The following SUPT16H variants were observed in gnomAD, a reference collection of about 807,000 sequenced individuals.
SUPT16H encodes SPT16 homolog, facilitates chromatin remodeling subunit.
In SUPT16H, 24 loss-of-function variants were observed where a neutral mutation model predicts 136.2. The observed-to-expected ratio is 0.18, with a 90% CI of 0.13 to 0.25. The LOEUF (loss-of-function observed/expected upper bound fraction) is 0.25. Among genes scored for constraint, SUPT16H ranks in the 10% least tolerant of loss-of-function variants. The pLI is 1.00. For synonymous variants in SUPT16H, 415 were observed against 428.2 expected (o/e 0.97, Z 0.38); for missense variants, 623 against 1,270.2 (o/e 0.49, Z 7.74).
Position 21,363,521 on chromosome 14 carries a change from A to G in SUPT16H, c.1234-18T>C. 6.2e-7 allele frequency: 1 copy of G among 1,606,246 alleles called. No homozygotes were observed. Among genetic ancestry groups the G allele is most frequent in the Non-Finnish European group, 8.5e-7 (1 of 1,176,932 alleles). ...GGGCCATCCTAGAATTAAAAGGAGA[A>G]TGAAGACACATTATTTAAAAGAGGC... On this transcript the variant is annotated intron_variant, in intron 10 of 25. Transcript: ENST00000216297.
At chr14:21,357,889 A>C (rs1255865917) in intron 21 of SUPT16H, 38 bp downstream of exon 21, 3 of 1,582,984 alleles carry the variant, frequency 1.9e-6, no homozygotes, top group Non-Finnish European at 1.7e-6. Context: ...TATTTTCTCT[A>C]ACAATTTTCT....
Position 21,364,817 on chromosome 14 carries a change from C to A in SUPT16H, c.1233+10G>T, listed in dbSNP as rs1476853270. On this transcript the variant is annotated intron_variant, in intron 10 of 25. Transcript: ENST00000216297. ...TCATGAAGACTCCAAAGTTTAGACA[C>A]AATACACACCTCATCCACAAGCACT... is the stretch of plus-strand genomic sequence containing the variant. 1.2e-6 allele frequency: 2 copies of A among 1,610,606 alleles called. No homozygotes were observed. The highest frequency in any genetic ancestry group is 3.3e-5 in the Admixed American group (2 of 60,002).
chr14:21,373,565 G>T (rs1362142770), intron 1 of SUPT16H, 135 bp from the exon 2 acceptor site: 4 of 681,952 alleles, frequency 5.9e-6, no homozygotes, highest in Non-Finnish European at 1.0e-5. Flanking sequence ...CTGTTTGGCA[G>T]TCTTACGGCT....
chr14:21,376,087 T>G (rs899900038), intron 1 of SUPT16H, among the ~76,000 whole-genome samples: 1 of 152,252 alleles, frequency 6.6e-6, no homozygotes, highest in African/African-American at 2.4e-5. Flanking sequence ...ACATTGAATA[T>G]CTAGTTATTA....
At chr14:21,369,021 A>C (rs1886731982) in intron 6 of SUPT16H, among the ~76,000 whole-genome samples, 183 bp downstream of exon 6, 1 of 152,208 alleles carries the variant, frequency 6.6e-6, no homozygotes, top group South Asian at 2.1e-4. Flanking sequence ...GAGTAGGGTG[A>C]CTATACTTAA....
chr14:21,370,062 A>G (rs746002975), intron 4 of SUPT16H, among the ~76,000 whole-genome samples, 166 bp from the exon 5 acceptor site: 1 of 152,266 alleles, frequency 6.6e-6, no homozygotes, highest in Non-Finnish European at 1.5e-5. Context: ...AACATTTGAA[A>G]TAGCTCTTTG....
At chr14:21,383,622 T>C (rs747776172) in intron 1 of SUPT16H, 2 of 704,960 alleles carry the variant, frequency 2.8e-6, no homozygotes, top group Non-Finnish European at 5.2e-6. Context: ...CTGCTATGCA[T>C]GACCAAGGCT....
chr14:21,357,334 C>T lies in SUPT16H; in HGVS notation c.2523G>A (p.Glu841=), dbSNP rs1298354220. ...ACTGGACCCGCTCAAAGTGGATCAG[C>T]TCTACCTCATCCAATGTCACCACAA... ...PPFVVTLDEV[E]LIHFERVQFH... The change falls in exon 22 of 26, where the codon GAG becomes GAA. Residue 841 remains glutamate (E), a synonymous_variant. Coordinates refer to ENST00000216297, the MANE Select transcript of SUPT16H (RefSeq NM_007192.4). 9 of 1,605,080 alleles carry T rather than the reference C, an allele frequency of 5.6e-6. No individual in the cohort carries two copies. Among genetic ancestry groups the T allele is most frequent in the Non-Finnish European group, 7.7e-6 (9 of 1,175,858 alleles).
At position 21,373,329 on chromosome 14, in the gene SUPT16H, ATC is replaced by A; in HGVS notation, c.159+7_159+8del. 1 of 1,605,990 alleles carries A rather than the reference ATC, an allele frequency of 6.2e-7. No individual in the cohort carries two copies. Among genetic ancestry groups the A allele is most frequent in the East Asian group, 2.2e-5 (1 of 44,828 alleles). On this transcript the variant is annotated splice_region_variant and intron_variant, in intron 2 of 25. Transcript: ENST00000216297. ...CTCTAAGAGCTAAAAATTGCTGTAA[ATC>A]TCTCACCTGTAAGGCAGTTGATTTG...
chr14:21,374,711 C>T (rs1406912718), intron 1 of SUPT16H, among the ~76,000 whole-genome samples: 1 of 152,074 alleles, frequency 6.6e-6, no homozygotes, highest in African/African-American at 2.4e-5. Flanking sequence ...CACATTTTAT[C>T]TATCCATTCA....
intron 1 of SUPT16H, among the ~76,000 whole-genome samples, chr14:21,381,120 T>C (rs1003143064): frequency 2.0e-5 from 3 of 152,068 alleles, no homozygotes; most frequent in Non-Finnish European, 2.9e-5. Flanking sequence ...CATAAAACAA[T>C]AGTACGTTCT....
In SUPT16H at chr14:21,353,661, T is replaced by C. The variant is rs1594295555; in HGVS notation, c.2920+42A>G. On this transcript the variant is annotated intron_variant, in intron 24 of 25. Coordinates refer to ENST00000216297, the MANE Select transcript of SUPT16H (RefSeq NM_007192.4). ...AAAAAGTAGTTTTCAGAAATGACATTAGATTAGGAAGCCAGGACGAACTTT... is the reference window on the plus strand; with the variant it reads ...AAAAAGTAGTTTTCAGAAATGACATCAGATTAGGAAGCCAGGACGAACTTT... 1.5e-5 allele frequency: 24 copies of C among 1,605,610 alleles called. No individual in the cohort carries two copies. In the East Asian group the frequency reaches 5.1e-4, roughly 34 times the overall value.
At chr14:21,364,798 A>C in intron 10 of SUPT16H, 29 bp downstream of exon 10, 1 of 1,596,104 alleles carries the variant, frequency 6.3e-7, no homozygotes, top group East Asian at 2.2e-5. Flanking sequence ...TAGTTCATGA[A>C]GACTCCAAAG....
intron 1 of SUPT16H, 151 bp from the exon 2 acceptor site, chr14:21,373,581 A>AT (rs974893905): frequency 3.9e-5 from 25 of 642,784 alleles, no homozygotes; most frequent in African/African-American, 3.3e-4. Flanking sequence ...CGGCTATTCT[A>AT]TTTTTTGTTT....
chr14:21,360,196 T>G (rs1886521265), intron 18 of SUPT16H, among the ~76,000 whole-genome samples: 1 of 152,058 alleles, frequency 6.6e-6, no homozygotes, highest in Non-Finnish European at 1.5e-5. Context: ...CCTGGCTAAT[T>G]TTTGTATTTT....
At chr14:21,369,922 T>C in intron 4 of SUPT16H, 26 bp from the exon 5 acceptor site, 1 of 1,610,952 alleles carries the variant, frequency 6.2e-7, no homozygotes, top group Non-Finnish European at 8.5e-7. Context: ...CAAGAGTTTC[T>C]AACATGCAAG....
intron 3 of SUPT16H, among the ~76,000 whole-genome samples, chr14:21,371,216 T>A (rs756148966): frequency 1.4e-4 from 21 of 152,166 alleles, no homozygotes; most frequent in Admixed American, 6.5e-4. Flanking sequence ...TTGTAATATA[T>A]CAAAAGTGAG....
chr14:21,364,857 C>T lies in SUPT16H; in HGVS notation c.1203G>A (p.Leu401=). ...CCACAAGCACTGTGTCACCAATGAA[C>T]AGGGCATAGGTTTTCTCTTCTGGCT... ...GKKPEEKTYA[L]FIGDTVLVDE... The change falls in exon 10 of 26, where the codon CTG becomes CTA. Residue 401 remains leucine, a synonymous_variant. Coordinates refer to ENST00000216297, the MANE Select transcript of SUPT16H (RefSeq NM_007192.4). The T allele has an allele frequency of 6.2e-7, 1 of 1,612,770 alleles. No homozygotes were observed. Among genetic ancestry groups the T allele is most frequent in the East Asian group, 2.2e-5 (1 of 44,880 alleles).
chr14:21,370,781 A>ATT (rs113154650), intron 3 of SUPT16H, among the ~76,000 whole-genome samples: 1 of 139,446 alleles, frequency 7.2e-6, no homozygotes, highest in Non-Finnish European at 1.6e-5. Flanking sequence ...GCCTGGATAA[A>ATT]TTTTTTTTTT....
Sources: gnomAD v4.1 joint callset for allele counts (sites outside exome capture counted in the v4.1 genomes callset) on GRCh38, gnomAD v4.1.1 for gene constraint, MANE v1.5 for transcripts, NCBI Gene and HGNC (gene_info 2026-07-23, HGNC 2026-07-21) for gene names.